Variants in ARHGEF10L observed in about 807,000 individuals in gnomAD.
ARHGEF10L encodes the protein rho guanine nucleotide exchange factor 10-like protein.
Under a neutral mutation model 141.2 loss-of-function variants are expected in ARHGEF10L, and 69 were observed. The ratio of observed to expected loss-of-function variants is 0.49; its 90% CI spans 0.40 to 0.60. ARHGEF10L has a LOEUF of 0.60. Ranked by LOEUF, ARHGEF10L falls within the 20% of genes least tolerant of loss-of-function variation. ARHGEF10L has a pLI of 0.00. For missense variants in ARHGEF10L, 1,482 were observed against 1,734.3 expected (o/e 0.85, Z 2.58); for synonymous variants, 711 against 718.5 (o/e 0.99, Z 0.17).
chr1:17,540,766 T>G (rs1397118577), intron 1 of ARHGEF10L, among the ~76,000 whole-genome samples: 1 of 152,200 alleles, frequency 6.6e-6, no homozygotes, highest in Non-Finnish European at 1.5e-5. Flanking sequence ...CCACTGGCTT[T>G]GGAGCTCAGT....
the ARHGEF10L span, among the ~76,000 whole-genome samples, chr1:17,525,785 T>C: frequency 6.6e-6 from 1 of 152,118 alleles, no homozygotes; most frequent in East Asian, 1.9e-4. Context: ...GGCAGACCAC[T>C]TGAGATTGGG....
At chr1:17,683,490 C>T (rs886243917) in intron 26 of ARHGEF10L, among the ~76,000 whole-genome samples, 2 of 152,196 alleles carry the variant, frequency 1.3e-5, no homozygotes, top group Non-Finnish European at 2.9e-5. Context: ...CTCTGGGACC[C>T]GTGATCCTGG....
chr1:17,561,314 G>A (rs1387991753), intron 1 of ARHGEF10L, among the ~76,000 whole-genome samples: 1 of 152,174 alleles, frequency 6.6e-6, no homozygotes, highest in Non-Finnish European at 1.5e-5. Context: ...AGTCTCTCAC[G>A]GTTCTGTGGG....
intron 4 of ARHGEF10L, among the ~76,000 whole-genome samples, chr1:17,597,596 G>A (rs2080239192): frequency 6.6e-6 from 1 of 152,190 alleles, no homozygotes; most frequent in Non-Finnish European, 1.5e-5. Flanking sequence ...AGGAACACCT[G>A]CTCCAGTCTA....
At chr1:17,690,189 T>G (rs562797209) in intron 27 of ARHGEF10L, among the ~76,000 whole-genome samples, 1 of 152,284 alleles carries the variant, frequency 6.6e-6, no homozygotes, top group South Asian at 2.1e-4. Context: ...GGGCCTCAGT[T>G]TCCCCATTCA....
chr1:17,632,885 G>A (rs116653497), intron 16 of ARHGEF10L, among the ~76,000 whole-genome samples: 3,575 of 152,292 alleles, frequency 0.023, 153 homozygotes, highest in African/African-American at 0.082. Context: ...CCCACAGACC[G>A]GAGCATCATC....
intron 1 of ARHGEF10L, among the ~76,000 whole-genome samples, chr1:17,544,296 AT>A (rs574831100): frequency 0.084 from 12,067 of 144,162 alleles, 549 homozygotes; most frequent in African/African-American, 0.11. Context: ...ATATATAATA[AT>A]TTTTTTTTTG....
At chr1:17,667,417 C>T (rs2063053624) in intron 26 of ARHGEF10L, among the ~76,000 whole-genome samples, 1 of 152,232 alleles carries the variant, frequency 6.6e-6, no homozygotes, top group Non-Finnish European at 1.5e-5. Context: ...GAGGGAGACC[C>T]AGTCCCTGTT....
At chr1:17,624,648 C>G in intron 13 of ARHGEF10L, 145 bp downstream of exon 13, 1 of 689,630 alleles carries the variant, frequency 1.5e-6, no homozygotes, top group South Asian at 1.7e-5. Context: ...GCAGCCCAGT[C>G]CCATGGGAAG....
chr1:17,585,951 G>A (rs779993395), intron 2 of ARHGEF10L, among the ~76,000 whole-genome samples: 2 of 152,172 alleles, frequency 1.3e-5, no homozygotes, highest in African/African-American at 4.8e-5. Flanking sequence ...GCACTGTGCC[G>A]AGGGCTACTC....
intron 27 of ARHGEF10L, among the ~76,000 whole-genome samples, chr1:17,690,426 G>T (rs901245634): frequency 2.0e-5 from 3 of 152,218 alleles, no homozygotes; most frequent in African/African-American, 7.2e-5. Flanking sequence ...AGCCAGCAGC[G>T]GTCCATGATG....
At chr1:17,648,522 C>A (rs749450378) in intron 21 of ARHGEF10L, 32 bp from the exon 22 acceptor site, 5 of 1,610,764 alleles carry the variant, frequency 3.1e-6, no homozygotes, top group Non-Finnish European at 4.2e-6. Flanking sequence ...GGACTCTGAC[C>A]AGCTCTACCC....
At chr1:17,665,560 T>G (rs138173275) in intron 26 of ARHGEF10L, among the ~76,000 whole-genome samples, 9 of 152,266 alleles carry the variant, frequency 5.9e-5, no homozygotes, top group Non-Finnish European at 1.2e-4. Flanking sequence ...GTGTTGTCGT[T>G]GGAGCCGGAC....
intron 26 of ARHGEF10L, among the ~76,000 whole-genome samples, chr1:17,667,676 A>G (rs545488270): frequency 6.6e-6 from 1 of 152,190 alleles, no homozygotes; most frequent in Non-Finnish European, 1.5e-5. Context: ...CAGAAATTAC[A>G]GGCAGGGGCC....
intron 15 of ARHGEF10L, among the ~76,000 whole-genome samples, chr1:17,631,913 G>A (rs920922046): frequency 6.6e-6 from 1 of 152,246 alleles, no homozygotes; most frequent in Non-Finnish European, 1.5e-5. Flanking sequence ...GCTTGGACAT[G>A]TGAAGTGACC....
intron 25 of ARHGEF10L, among the ~76,000 whole-genome samples, chr1:17,662,395 A>C (rs2062685831): frequency 1.3e-5 from 2 of 152,082 alleles, no homozygotes; most frequent in African/African-American, 4.8e-5. Flanking sequence ...CAGATAAGGG[A>C]AACTGAGGTC....
At chr1:17,646,587 CGTGCACAT>C (rs1157147841) in intron 21 of ARHGEF10L, among the ~76,000 whole-genome samples, 1 of 152,078 alleles carries the variant, frequency 6.6e-6, no homozygotes, top group Non-Finnish European at 1.5e-5. Flanking sequence ...CGCGTGCACA[CGTGCACAT>C]GTGCACACAA....
chr1:17,594,069 G>T (rs970165729), intron 4 of ARHGEF10L, among the ~76,000 whole-genome samples: 1 of 151,438 alleles, frequency 6.6e-6, no homozygotes, highest in Admixed American at 6.6e-5. Context: ...ACTGCGATGG[G>T]GGCTGACATG....
intron 9 of ARHGEF10L, chr1:17,618,350 A>G (rs1032897522): frequency 1.5e-5 from 23 of 1,503,146 alleles, no homozygotes; most frequent in Non-Finnish European, 1.8e-5. Context: ...ATCACAGGCC[A>G]AGAATGTTAC....
Sources: gnomAD v4.1 joint callset for allele counts (sites outside exome capture counted in the v4.1 genomes callset) on GRCh38, gnomAD v4.1.1 for gene constraint, MANE v1.5 for transcripts, NCBI Gene and HGNC (gene_info 2026-07-23, HGNC 2026-07-21) for gene names.